The following GRID2 variants were observed in gnomAD, a reference collection of about 807,000 sequenced individuals.
GRID2 encodes the protein glutamate receptor ionotropic, delta-2.
In GRID2, 33 loss-of-function variants were observed where a neutral mutation model predicts 114.8. That is an observed-to-expected ratio of 0.29 (90% confidence interval 0.22 to 0.38). The LOEUF is 0.38. Among genes scored for constraint, GRID2 ranks in the 10% least tolerant of loss-of-function variants. The pLI is 1.00. For missense variants in GRID2, 1,184 were observed against 1,257.7 expected, an observed-to-expected ratio of 0.94 and a Z score of 0.89; for synonymous variants, 505 against 449.9, an observed-to-expected ratio of 1.12 and a Z score of -1.55.
intron 2 of GRID2, among the ~76,000 whole-genome samples, chr4:92,909,111 C>A (rs1025822376): frequency 2.0e-5 from 3 of 151,962 alleles, no homozygotes; most frequent in Non-Finnish European, 4.4e-5. Flanking sequence ...GAGTGATATA[C>A]CTTATCATAT....
At chr4:93,145,455 A>G (rs1560925102) in intron 4 of GRID2, among the ~76,000 whole-genome samples, 1 of 125,902 alleles carries the variant, frequency 7.9e-6, no homozygotes, top group Non-Finnish European at 1.6e-5. Flanking sequence ...TTGTATTTGT[A>G]TTTATTTATT....
chr4:92,855,587 A>G (rs1163170894), intron 2 of GRID2, among the ~76,000 whole-genome samples: 1 of 151,968 alleles, frequency 6.6e-6, no homozygotes, highest in Non-Finnish European at 1.5e-5. Context: ...TTCATATTCC[A>G]ATATTGCAAA....
intron 1 of GRID2, among the ~76,000 whole-genome samples, chr4:92,505,564 G>A (rs1418509351): frequency 1.3e-5 from 2 of 151,986 alleles, no homozygotes; most frequent in African/African-American, 4.8e-5. Flanking sequence ...TGAATTTAAT[G>A]CCACATGTGC....
intron 1 of GRID2, among the ~76,000 whole-genome samples, chr4:92,555,094 G>A (rs191153049): frequency 6.6e-5 from 10 of 152,148 alleles, no homozygotes; most frequent in Non-Finnish European, 1.2e-4. Context: ...AGTTGCATGA[G>A]TTTGCAGGCA....
intron 13 of GRID2, among the ~76,000 whole-genome samples, chr4:93,528,934 G>T (rs1360413983): frequency 6.6e-6 from 1 of 152,050 alleles, no homozygotes. Flanking sequence ...TAATCATTTT[G>T]TTTTATGGAT....
At chr4:92,431,532 A>G (rs948799271) in intron 1 of GRID2, among the ~76,000 whole-genome samples, 1 of 151,024 alleles carries the variant, frequency 6.6e-6, no homozygotes, top group African/African-American at 2.4e-5. Context: ...AGTGTTCAAC[A>G]GGGATATTGG....
intron 8 of GRID2, among the ~76,000 whole-genome samples, chr4:93,378,058 A>G (rs1470952778): frequency 6.6e-6 from 1 of 152,154 alleles, no homozygotes; most frequent in Non-Finnish European, 1.5e-5. Context: ...CAATGAATGC[A>G]AATCCTCAGT....
chr4:93,104,046 C>T (rs1427013181), intron 3 of GRID2, among the ~76,000 whole-genome samples: 3 of 151,830 alleles, frequency 2.0e-5, no homozygotes, highest in Non-Finnish European at 4.4e-5. Context: ...ACTTTCTCTC[C>T]CCGGCTAGTA....
At chr4:92,900,568 C>A (rs1472251624) in intron 2 of GRID2, among the ~76,000 whole-genome samples, 3 of 152,158 alleles carry the variant, frequency 2.0e-5, no homozygotes, top group Non-Finnish European at 4.4e-5. Context: ...CGGCGGCTCA[C>A]GCCTGTAATC....
At chr4:93,266,662 C>T (rs1302629690) in intron 8 of GRID2, among the ~76,000 whole-genome samples, 1 of 152,122 alleles carries the variant, frequency 6.6e-6, no homozygotes, top group African/African-American at 2.4e-5. Flanking sequence ...GATCCACCCA[C>T]CTCAGCCTCC....
intron 2 of GRID2, among the ~76,000 whole-genome samples, chr4:92,988,673 T>C (rs752400336): frequency 6.6e-6 from 1 of 152,216 alleles, no homozygotes; most frequent in Non-Finnish European, 1.5e-5. Context: ...ATCATGGTTT[T>C]ATGGAATGGC....
chr4:93,537,070 CT>C (rs1293003166), intron 13 of GRID2, among the ~76,000 whole-genome samples: 4 of 151,472 alleles, frequency 2.6e-5, no homozygotes, highest in African/African-American at 9.7e-5. Flanking sequence ...TAAGCTTCTA[CT>C]TTTTTGGTTG....
intron 2 of GRID2, among the ~76,000 whole-genome samples, chr4:92,759,808 G>T (rs1324801359): frequency 2.0e-5 from 3 of 146,706 alleles, no homozygotes; most frequent in Non-Finnish European, 4.5e-5. Flanking sequence ...TTTGTATTTA[G>T]TAGAGACGGG....
chr4:93,108,930 C>G (rs894749666), intron 3 of GRID2, among the ~76,000 whole-genome samples: 10 of 152,070 alleles, frequency 6.6e-5, no homozygotes, highest in Non-Finnish European at 1.5e-4. Context: ...CACTGGGCCT[C>G]TGACATGTAT....
intron 2 of GRID2, among the ~76,000 whole-genome samples, chr4:92,662,626 G>A (rs1182904273): frequency 1.3e-5 from 2 of 151,118 alleles, no homozygotes; most frequent in African/African-American, 4.8e-5. Flanking sequence ...GAATTATTGG[G>A]ATATTATTGT....
chr4:92,317,694 T>G (rs1313784432), intron 1 of GRID2, among the ~76,000 whole-genome samples: 6 of 152,218 alleles, frequency 3.9e-5, no homozygotes, highest in Non-Finnish European at 7.3e-5. Flanking sequence ...AGAAATAGTT[T>G]TATTTTCTCA....
chr4:93,775,335 T>G (rs1386866172), downstream of GRID2, among the ~76,000 whole-genome samples: 1 of 152,174 alleles, frequency 6.6e-6, no homozygotes, highest in Non-Finnish European at 1.5e-5. Flanking sequence ...TGGGTCTTCT[T>G]TTTTAAAACT....
intron 14 of GRID2, among the ~76,000 whole-genome samples, chr4:93,729,772 G>A (rs1374358102): frequency 4.6e-5 from 7 of 152,024 alleles, no homozygotes; most frequent in Non-Finnish European, 8.8e-5. Flanking sequence ...CCGGCACAGA[G>A]AATCATTTTC....
intron 2 of GRID2, among the ~76,000 whole-genome samples, chr4:92,988,211 C>G (rs143084447): frequency 9.9e-5 from 15 of 152,180 alleles, no homozygotes; most frequent in African/African-American, 2.9e-4. Flanking sequence ...ATCCAGATAT[C>G]AGTAAGGGCT....
Sources: allele counts gnomAD v4.1 joint callset (sites outside exome capture counted in the v4.1 genomes callset), GRCh38; gene constraint gnomAD v4.1.1; transcripts MANE v1.5; gene names NCBI Gene and HGNC (gene_info 2026-07-23, HGNC 2026-07-21).